The following PDK1 variants were observed in gnomAD, a reference collection of about 807,000 sequenced individuals.
PDK1 encodes pyruvate dehydrogenase kinase 1.
In PDK1, 39 loss-of-function variants were observed where a neutral mutation model predicts 54.2. The ratio of observed to expected loss-of-function variants is 0.72; its 90% CI spans 0.56 to 0.94. The LOEUF is 0.94. Ranked by LOEUF, PDK1 falls within the 40% of genes least tolerant of loss-of-function variation. The pLI, the probability that PDK1 is intolerant of heterozygous loss-of-function variation, is 0.00. For synonymous variants in PDK1, 221 were observed against 207.1 expected, an observed-to-expected ratio of 1.07 and a Z score of -0.58; for missense variants, 552 against 566.0, an observed-to-expected ratio of 0.98 and a Z score of 0.25.
chr2:172,654,908 A>G, the PDK1 span, among the ~76,000 whole-genome samples: 2 of 152,196 alleles, frequency 1.3e-5, no homozygotes, highest in Non-Finnish European at 1.5e-5. Context: ...CAGAGAAGAC[A>G]ATACAAGCAC....
At chr2:172,575,811 G>T (rs953192683) in intron 8 of PDK1, among the ~76,000 whole-genome samples, 1 of 152,116 alleles carries the variant, frequency 6.6e-6, no homozygotes, top group African/African-American at 2.4e-5. Context: ...GACAGATCAA[G>T]ACTCTTTGTC....
the PDK1 span, among the ~76,000 whole-genome samples, chr2:172,616,253 G>A: frequency 1.8e-4 from 27 of 152,122 alleles, no homozygotes; most frequent in Admixed American, 1.1e-3. Flanking sequence ...ACCCCTAGAC[G>A]TACATTCTAG....
chr2:172,633,255 C>T, the PDK1 span, among the ~76,000 whole-genome samples: 2 of 151,640 alleles, frequency 1.3e-5, no homozygotes, highest in Non-Finnish European at 2.9e-5. Context: ...ACTATGTTGT[C>T]CAGGCTGGTC....
At chr2:172,562,790 T>C in intron 3 of PDK1, 1 of 1,611,580 alleles carries the variant, frequency 6.2e-7, no homozygotes, top group Non-Finnish European at 8.5e-7. Context: ...CTGTATGGCC[T>C]GCAAGATGAT....
chr2:172,580,081 T>G (rs921397183), intron 8 of PDK1, among the ~76,000 whole-genome samples: 1 of 151,988 alleles, frequency 6.6e-6, no homozygotes, highest in Non-Finnish European at 1.5e-5. Flanking sequence ...GATATTATTT[T>G]TTTTTAATTA....
the PDK1 span, among the ~76,000 whole-genome samples, chr2:172,703,359 C>T: frequency 6.6e-6 from 1 of 152,126 alleles, no homozygotes; most frequent in African/African-American, 2.4e-5. Flanking sequence ...TGGTTTTAAG[C>T]CACCGAGTTT....
chr2:172,572,619 A>G (rs1010949873), intron 8 of PDK1, among the ~76,000 whole-genome samples: 2 of 152,130 alleles, frequency 1.3e-5, no homozygotes, highest in Non-Finnish European at 1.5e-5. Context: ...CCAGCTATTC[A>G]GGAGGCTGAG....
At chr2:172,574,784 C>G (rs138095920) in intron 8 of PDK1, among the ~76,000 whole-genome samples, 1 of 152,178 alleles carries the variant, frequency 6.6e-6, no homozygotes, top group South Asian at 2.1e-4. Context: ...ATCCTGCATC[C>G]TTGCCAAATG....
the PDK1 span, among the ~76,000 whole-genome samples, chr2:172,714,349 G>A: frequency 2.5e-3 from 381 of 152,194 alleles, 11 homozygotes; most frequent in East Asian, 0.049. Flanking sequence ...TCTCTTCTAA[G>A]ATTAGGAAAA....
chr2:172,710,218 C>G, the PDK1 span, among the ~76,000 whole-genome samples: 3 of 152,110 alleles, frequency 2.0e-5, no homozygotes, highest in Admixed American at 2.0e-4. Context: ...TTCACCACAT[C>G]CAAAATGCAA....
At chr2:172,707,510 T>C in the PDK1 span, among the ~76,000 whole-genome samples, 1 of 152,320 alleles carries the variant, frequency 6.6e-6, no homozygotes, top group Admixed American at 6.5e-5. Flanking sequence ...ACGGGACTCC[T>C]TGGTGCTTCC....
the PDK1 span, among the ~76,000 whole-genome samples, chr2:172,661,617 G>A: frequency 6.6e-6 from 1 of 152,052 alleles, no homozygotes; most frequent in African/African-American, 2.4e-5. Context: ...ACCATGGAAT[G>A]CTATGTAGTC....
the PDK1 span, among the ~76,000 whole-genome samples, chr2:172,694,023 G>GA: frequency 1.3e-5 from 2 of 152,176 alleles, no homozygotes; most frequent in Non-Finnish European, 2.9e-5. Context: ...CAGGATATCT[G>GA]AAAAAACGTT....
In PDK1 at chr2:172,556,215, C is replaced by G. The variant is rs1688311215; in HGVS notation, c.65C>G (p.Ala22Gly). 7 of 1,421,746 alleles carry G rather than the reference C, an allele frequency of 4.9e-6. No individual in the cohort carries two copies. Among genetic ancestry groups the G allele is most frequent in the Admixed American group, 3.3e-5 (1 of 29,856 alleles). The allele number at this position is 1,421,746 out of a possible 1,614,324, so 88.1% of individuals were successfully genotyped here. A position where few individuals can be genotyped will look rare whatever the true frequency, so the allele number is the denominator to read the frequency against. Residue 22 changes from alanine to glycine, a missense_variant, in exon 1 of 11, where the codon GCC (alanine) becomes GGC (glycine). By Grantham distance (60) the Ala-to-Gly change is moderately conservative. Transcript: ENST00000282077. The part of the protein sequence containing the change: ...LAGPGPGLRA[A>G]GFSRSFSSDS... ...GGCCCGGGCCCGGGGCTGCGCGCCG[C>G]CGGCTTCAGCCGCAGCTTCAGCTCG...
chr2:172,575,836 TTAAA>T (rs1418489259), intron 8 of PDK1, among the ~76,000 whole-genome samples: 3 of 152,216 alleles, frequency 2.0e-5, no homozygotes, highest in South Asian at 2.1e-4. Context: ...ATAATAATAA[TTAAA>T]TAAATAAATA....
intron 9 of PDK1, among the ~76,000 whole-genome samples, chr2:172,592,203 G>T (rs1480915217): frequency 1.3e-5 from 2 of 152,230 alleles, no homozygotes; most frequent in African/African-American, 4.8e-5. Context: ...GTGTTATAGG[G>T]TTACAGAGAA....
chr2:172,657,853 G>T, the PDK1 span, among the ~76,000 whole-genome samples: 1 of 152,196 alleles, frequency 6.6e-6, no homozygotes, highest in Admixed American at 6.5e-5. Context: ...TATAAGGAAA[G>T]AGGTTTATTT....
At chr2:172,664,447 A>AT in the PDK1 span, among the ~76,000 whole-genome samples, 1 of 148,542 alleles carries the variant, frequency 6.7e-6, no homozygotes, top group Non-Finnish European at 1.5e-5. Context: ...TCATTCATTC[A>AT]TTTTTTCTTT....
At chr2:172,666,643 A>G in the PDK1 span, among the ~76,000 whole-genome samples, 3 of 152,272 alleles carry the variant, frequency 2.0e-5, no homozygotes, top group South Asian at 6.2e-4. Flanking sequence ...ATGGTTACAG[A>G]ACAGGTGACT....
Sources: gnomAD v4.1 joint callset for allele counts (sites outside exome capture counted in the v4.1 genomes callset) on GRCh38, gnomAD v4.1.1 for gene constraint, MANE v1.5 for transcripts, NCBI Gene and HGNC (gene_info 2026-07-23, HGNC 2026-07-21) for gene names.